The following ZNF475 variants were observed in gnomAD, a reference collection of about 807,000 sequenced individuals.
ZNF475 encodes the protein zinc finger protein 475.
the ZNF475 span, among the ~76,000 whole-genome samples, chr5:122,165,861 T>C: frequency 8.5e-5 from 13 of 152,226 alleles, no homozygotes; most frequent in African/African-American, 3.1e-4. Context: ...GGCGTTTCAT[T>C]TGCATACATA....
the ZNF475 span, chr5:122,162,096 TAA>T: frequency 6.6e-6 from 1 of 152,204 alleles, no homozygotes; most frequent in Non-Finnish European, 1.5e-5. Context: ...AGCTCAAGAT[TAA>T]CAATTAAATA....
the ZNF475 span, among the ~76,000 whole-genome samples, chr5:122,180,293 A>T: frequency 6.6e-6 from 1 of 152,252 alleles, no homozygotes; most frequent in African/African-American, 2.4e-5. Flanking sequence ...GGAGACAAGC[A>T]GCTGCCCAGT....
At chr5:122,169,249 T>G in the ZNF475 span, among the ~76,000 whole-genome samples, 3 of 152,214 alleles carry the variant, frequency 2.0e-5, no homozygotes, top group African/African-American at 7.2e-5. Flanking sequence ...ATAAACCCAC[T>G]TCAGATATTA....
the ZNF475 span, among the ~76,000 whole-genome samples, chr5:122,177,715 C>A: frequency 1.7e-4 from 26 of 152,070 alleles, no homozygotes; most frequent in African/African-American, 5.5e-4. Context: ...AATATGATTT[C>A]CAAATCTAAG....
the ZNF475 span, among the ~76,000 whole-genome samples, chr5:122,180,399 T>G: frequency 6.6e-6 from 1 of 152,356 alleles, no homozygotes; most frequent in East Asian, 1.9e-4. Context: ...ATTTTAAATG[T>G]CCAGAATTTT....
chr5:122,178,010 C>T, the ZNF475 span, among the ~76,000 whole-genome samples: 2 of 152,042 alleles, frequency 1.3e-5, no homozygotes, highest in Non-Finnish European at 2.9e-5. Flanking sequence ...TTTTCTGTTC[C>T]TGTGTTAGTT....
the ZNF475 span, among the ~76,000 whole-genome samples, chr5:122,180,880 T>C: frequency 6.6e-6 from 1 of 152,292 alleles, no homozygotes; most frequent in East Asian, 1.9e-4. Flanking sequence ...GGAAAACAGC[T>C]AAAGATGAAA....
the ZNF475 span, among the ~76,000 whole-genome samples, chr5:122,178,806 TG>T: frequency 6.6e-6 from 1 of 152,208 alleles, no homozygotes; most frequent in African/African-American, 2.4e-5. Context: ...ATGAAGTCTT[TG>T]CCCATGCCTA....
At chr5:122,162,983 T>G in the ZNF475 span, 2 of 152,128 alleles carry the variant, frequency 1.3e-5, no homozygotes, top group African/African-American at 4.8e-5. Context: ...TAGAAGCAAC[T>G]GGAATCAGAC....
At chr5:122,161,606 T>TAG in the ZNF475 span, among the ~76,000 whole-genome samples, 1 of 152,348 alleles carries the variant, frequency 6.6e-6, no homozygotes, top group East Asian at 1.9e-4. Flanking sequence ...AATCAGGCAC[T>TAG]AGAGAAAACC....
the ZNF475 span, among the ~76,000 whole-genome samples, chr5:122,168,199 C>G: frequency 6.6e-6 from 1 of 152,212 alleles, no homozygotes; most frequent in Admixed American, 6.5e-5. Context: ...CACCTGCCAT[C>G]ATGCCCAGCT....
the ZNF475 span, among the ~76,000 whole-genome samples, chr5:122,178,870 T>A: frequency 7.2e-5 from 11 of 152,342 alleles, no homozygotes; most frequent in African/African-American, 9.6e-5. Flanking sequence ...TGGTTTTAGA[T>A]CTTACATTTC....
the ZNF475 span, among the ~76,000 whole-genome samples, chr5:122,167,900 T>C: frequency 1.3e-5 from 2 of 152,262 alleles, no homozygotes; most frequent in East Asian, 3.8e-4. Flanking sequence ...TGTGTTTGGT[T>C]TCTTTCAGCA....
chr5:122,166,540 T>C, the ZNF475 span, among the ~76,000 whole-genome samples: 4 of 152,306 alleles, frequency 2.6e-5, no homozygotes, highest in African/African-American at 9.6e-5. Context: ...CCCCACCCTG[T>C]GTCCAAATGT....
the ZNF475 span, among the ~76,000 whole-genome samples, chr5:122,172,761 C>T: frequency 2.4e-4 from 37 of 152,252 alleles, no homozygotes; most frequent in East Asian, 6.6e-3. Context: ...GGGCCGGGCG[C>T]GGTGGCTCAC....
chr5:122,169,118 T>C, the ZNF475 span, among the ~76,000 whole-genome samples: 1 of 151,076 alleles, frequency 6.6e-6, no homozygotes, highest in Admixed American at 6.5e-5. Flanking sequence ...GTTTCCATTA[T>C]GGGCATTATA....
chr5:122,180,340 G>A, the ZNF475 span, among the ~76,000 whole-genome samples: 2 of 152,272 alleles, frequency 1.3e-5, no homozygotes, highest in South Asian at 4.1e-4. Flanking sequence ...TTAGTCCAAT[G>A]TACTCATATC....
chr5:122,162,490 C>T, the ZNF475 span: 1 of 152,206 alleles, frequency 6.6e-6, no homozygotes, highest in African/African-American at 2.4e-5. Flanking sequence ...TACTCCCATA[C>T]ATTAAAATGC....
chr5:122,165,758 C>T, the ZNF475 span, among the ~76,000 whole-genome samples: 1 of 130,988 alleles, frequency 7.6e-6, no homozygotes. Flanking sequence ...ATGATGCAAC[C>T]TACAAAAAAA....
Sources: allele counts gnomAD v4.1 joint callset (sites outside exome capture counted in the v4.1 genomes callset), GRCh38; gene constraint gnomAD v4.1.1; transcripts MANE v1.5; gene names NCBI Gene and HGNC (gene_info 2026-07-23, HGNC 2026-07-21).